Variants in TENM2 observed in about 807,000 individuals in gnomAD.
TENM2 encodes the protein teneurin-2.
A neutral mutation model predicts 245.2 loss-of-function variants in TENM2; 52 were observed. The ratio of observed to expected loss-of-function variants is 0.21; its 90% CI spans 0.17 to 0.27. The LOEUF (loss-of-function observed/expected upper bound fraction) is 0.27. TENM2 is among the 10% of genes least tolerant of loss of function. The pLI is 1.00. For missense variants in TENM2, 3,046 were observed against 3,666.8 expected (o/e 0.83, Z 4.37); for synonymous variants, 1,363 against 1,438.9 (o/e 0.95, Z 1.19).
intron 2 of TENM2, among the ~76,000 whole-genome samples, chr5:167,663,789 T>C (rs1050672959): frequency 6.6e-5 from 10 of 152,208 alleles, no homozygotes; most frequent in African/African-American, 2.4e-4. Flanking sequence ...TGAACATATA[T>C]GCGTCAAATT....
At chr5:167,950,806 T>C (rs1335629097) in intron 3 of TENM2, among the ~76,000 whole-genome samples, 1 of 152,086 alleles carries the variant, frequency 6.6e-6, no homozygotes, top group Non-Finnish European at 1.5e-5. Context: ...GAAAATATAA[T>C]AGCCTGCTAC....
At chr5:167,327,740 A>G (rs548632525) in intron 1 of TENM2, among the ~76,000 whole-genome samples, 130 of 152,300 alleles carry the variant, frequency 8.5e-4, no homozygotes, top group African/African-American at 2.7e-3. Flanking sequence ...AGAGTTCTAG[A>G]ATGTGTCATA....
intron 2 of TENM2, among the ~76,000 whole-genome samples, chr5:167,854,959 C>T (rs1770930461): frequency 6.6e-6 from 1 of 152,136 alleles, no homozygotes; most frequent in African/African-American, 2.4e-5. Flanking sequence ...CTTCTGCATC[C>T]CTTGGGTTTG....
chr5:168,076,179 TTTTATTTTA>T (rs1791452276), intron 7 of TENM2, among the ~76,000 whole-genome samples: 4 of 294 alleles, frequency 0.014, no homozygotes, highest in Non-Finnish European at 0.077. Context: ...TTTATTTTTA[TTTTATTTTA>T]TTTTATTTTA....
At chr5:167,742,171 G>GAT (rs1372318210) in intron 2 of TENM2, among the ~76,000 whole-genome samples, 2 of 152,046 alleles carry the variant, frequency 1.3e-5, no homozygotes, top group African/African-American at 4.8e-5. Context: ...TTCATAATCT[G>GAT]ATATTCACTC....
chr5:167,919,056 T>C (rs1033557549), intron 3 of TENM2, among the ~76,000 whole-genome samples: 1 of 152,252 alleles, frequency 6.6e-6, no homozygotes, highest in Non-Finnish European at 1.5e-5. Context: ...GCTTCACTAA[T>C]GTGCAATCTC....
In TENM2 at chr5:167,866,516, A is replaced by G. The variant is rs1329698130; in HGVS notation, c.503-9470A>G. On this transcript the variant is annotated intron_variant, in intron 2 of 28. Transcript: ENST00000518659. ...CCATCTCAAAAAAAAAAAAAAAAAA[A>G]GTATTTGCCAACAAAGAGAGAGCAC... 6.0e-5 allele frequency among the ~76,000 whole-genome samples: 9 copies of G among 149,714 alleles called. 1 individual carries two copies. Among genetic ancestry groups the G allele is most frequent in the South Asian group, 4.2e-4 (2 of 4,792 alleles).
chr5:167,175,767 G>T, the TENM2 span, among the ~76,000 whole-genome samples: 1 of 152,278 alleles, frequency 6.6e-6, no homozygotes, highest in East Asian at 1.9e-4. Context: ...GAATGCAGCT[G>T]CATGCAATCT....
intron 5 of TENM2, among the ~76,000 whole-genome samples, chr5:168,037,740 A>G (rs1256646332): frequency 1.3e-5 from 2 of 152,202 alleles, no homozygotes; most frequent in Non-Finnish European, 2.9e-5. Context: ...AGAGGACAGT[A>G]GAGAGAGCAC....
chr5:167,570,500 A>G (rs1279201464), intron 2 of TENM2, among the ~76,000 whole-genome samples: 1 of 152,196 alleles, frequency 6.6e-6, no homozygotes, highest in Non-Finnish European at 1.5e-5. Context: ...TTTGCCAAAC[A>G]TTAGCTAGTT....
At chr5:167,879,986 A>G (rs981989145) in intron 3 of TENM2, among the ~76,000 whole-genome samples, 28 of 152,212 alleles carry the variant, frequency 1.8e-4, no homozygotes, top group African/African-American at 6.8e-4. Flanking sequence ...AATGAGATTC[A>G]TTCATTCATT....
At chr5:167,583,414 T>C (rs1775232845) in intron 2 of TENM2, among the ~76,000 whole-genome samples, 1 of 146,630 alleles carries the variant, frequency 6.8e-6, no homozygotes, top group African/African-American at 2.5e-5. Context: ...TAGTCAGAAA[T>C]AAAACAATAG....
At chr5:167,004,295 A>G in the TENM2 span, among the ~76,000 whole-genome samples, 1 of 152,212 alleles carries the variant, frequency 6.6e-6, no homozygotes, top group African/African-American at 2.4e-5. Context: ...ATTGCACTAG[A>G]TCTTAGCAAA....
At chr5:167,033,035 T>C in the TENM2 span, among the ~76,000 whole-genome samples, 14 of 152,278 alleles carry the variant, frequency 9.2e-5, no homozygotes, top group Admixed American at 8.5e-4. Flanking sequence ...GGTAGGGCAA[T>C]GGGAAAACGT....
intron 3 of TENM2, among the ~76,000 whole-genome samples, chr5:167,879,393 G>A (rs1301348186): frequency 1.3e-5 from 2 of 152,110 alleles, no homozygotes; most frequent in African/African-American, 4.8e-5. Flanking sequence ...CCAGCGAGTG[G>A]CTCATTCTGT....
At chr5:167,528,958 G>A (rs553400254) in intron 2 of TENM2, among the ~76,000 whole-genome samples, 5 of 152,132 alleles carry the variant, frequency 3.3e-5, no homozygotes, top group South Asian at 2.1e-4. Flanking sequence ...TAGTTTATTC[G>A]AGTAAGTATT....
chr5:167,113,972 G>C, the TENM2 span, among the ~76,000 whole-genome samples: 1 of 152,146 alleles, frequency 6.6e-6, no homozygotes, highest in Non-Finnish European at 1.5e-5. Context: ...GAGTACATTA[G>C]AGCAAGCTGA....
At chr5:167,552,389 A>G (rs1167061903) in intron 2 of TENM2, among the ~76,000 whole-genome samples, 1 of 152,080 alleles carries the variant, frequency 6.6e-6, no homozygotes, top group Non-Finnish European at 1.5e-5. Context: ...CTTTCCCATG[A>G]TTTTTACCTT....
chr5:167,976,015 G>A (rs547807191), intron 4 of TENM2, among the ~76,000 whole-genome samples: 2 of 152,292 alleles, frequency 1.3e-5, no homozygotes, highest in Admixed American at 6.5e-5. Flanking sequence ...ATTGTCAGTA[G>A]CTATACAAGA....
Sources: gnomAD v4.1 joint callset for allele counts (sites outside exome capture counted in the v4.1 genomes callset) on GRCh38, gnomAD v4.1.1 for gene constraint, MANE v1.5 for transcripts, NCBI Gene and HGNC (gene_info 2026-07-23, HGNC 2026-07-21) for gene names.